Variants in USP22 observed in about 807,000 individuals in gnomAD.
USP22 encodes the protein ubiquitin specific peptidase 22, also known as ubiquitin carboxyl-terminal hydrolase 22.
Under a neutral mutation model 68.1 loss-of-function variants are expected in USP22, and 22 were observed. The observed-to-expected ratio is 0.32, with a 90% confidence interval of 0.23 to 0.46. The LOEUF (loss-of-function observed/expected upper bound fraction) is 0.46. USP22 is among the 20% of genes least tolerant of loss of function. The pLI is 1.00. For missense variants in USP22, 433 were observed against 695.8 expected (o/e 0.62, Z 4.25); for synonymous variants, 279 against 274.2 (o/e 1.02, Z -0.17).
Position 21,004,530 on chromosome 17 carries a change from C to A in USP22, c.1386-179G>T, listed in dbSNP as rs77191285. ...GGAACTAAGGGAGCCTGGTCACCCC[C>A]CTTGGCTCTAGCCCGGGTCCAGGCG... is the stretch of plus-strand genomic sequence containing the variant. On this transcript the variant is annotated intron_variant, in intron 11 of 12. Transcript: ENST00000261497. Among the ~76,000 whole-genome samples, 186 of 152,318 alleles carry A rather than the reference C, an allele frequency of 1.2e-3. 6 individuals carry two copies. In the South Asian group the frequency reaches 0.037, roughly 30 times the overall value.
At chr17:21,018,425 A>C in intron 4 of USP22, 1 of 149,328 alleles carries the variant, frequency 6.7e-6, no homozygotes, top group Non-Finnish European at 1.3e-5. Flanking sequence ...GGTTTTTAAA[A>C]ATGTTCTAGG....
rs897537562 is a variant in USP22 at position 21,012,762 on chromosome 17, G to A, written c.944+68C>T. On this transcript the variant is annotated intron_variant, in intron 7 of 12. Coordinates refer to ENST00000261497, the MANE Select transcript of USP22 (RefSeq NM_015276.2). ...ACCTCTCAGAGCACACACAGCTCTG[G>A]AGACTGGGAGGATGTCAGTACGGCC... is the stretch of plus-strand genomic sequence containing the variant. 4.3e-6 allele frequency: 6 copies of A among 1,403,774 alleles called. No individual in the cohort carries two copies. In the African/African-American group the frequency reaches 5.7e-5, roughly 13 times the overall value. The allele number at this position is 1,403,774 out of a possible 1,614,324, so 87.0% of individuals were successfully genotyped here.
chr17:21,029,109 A>C (rs556786254), intron 1 of USP22, among the ~76,000 whole-genome samples: 1 of 152,370 alleles, frequency 6.6e-6, no homozygotes, highest in African/African-American at 2.4e-5. Flanking sequence ...AGGGAGGGAG[A>C]CATGAATCAA....
At chr17:21,030,631 G>A (rs1366219644) in intron 1 of USP22, among the ~76,000 whole-genome samples, 1 of 152,170 alleles carries the variant, frequency 6.6e-6, no homozygotes, top group Non-Finnish European at 1.5e-5. Context: ...CGACCCATCT[G>A]GAACCTGCTC....
At chr17:21,037,138 A>T (rs1010457941) in intron 1 of USP22, among the ~76,000 whole-genome samples, 10 of 152,224 alleles carry the variant, frequency 6.6e-5, no homozygotes, top group African/African-American at 2.4e-4. Flanking sequence ...ACCACACAGC[A>T]CTGGATGATA....
chr17:21,022,798 C>A (rs953891641), intron 2 of USP22, among the ~76,000 whole-genome samples: 358 of 127,430 alleles, frequency 2.8e-3, no homozygotes, highest in South Asian at 4.0e-3. Flanking sequence ...GACTCCGTCT[C>A]AAAAAAAAAA....
Position 21,003,003 on chromosome 17 carries a change from T to C in USP22, c.*28A>G, listed in dbSNP as rs1416382664. 1.9e-6 allele frequency: 3 copies of C among 1,612,864 alleles called. No homozygotes were observed. The highest frequency in any genetic ancestry group is 1.7e-5 in the Admixed American group (1 of 59,994). ...TGTGAGGCTTGCCAATGCATTGCCT[T>C]TGTTTTTCTGACCAGCTGCAGATAA... On this transcript the variant is annotated 3_prime_UTR_variant, in exon 13 of 13. Transcript: ENST00000261497.
chr17:21,023,300 A>C (rs972736152), intron 2 of USP22, among the ~76,000 whole-genome samples: 1 of 152,226 alleles, frequency 6.6e-6, no homozygotes, highest in African/African-American at 2.4e-5. Context: ...ATACGTTTAT[A>C]TAACAAACCT....
chr17:21,000,153 G>A lies in USP22; in HGVS notation c.*2878C>T, dbSNP rs1300783459. 1 of 152,234 alleles carries A rather than the reference G, an allele frequency of 6.6e-6. No individual in the cohort carries two copies. The highest frequency in any genetic ancestry group is 2.4e-5 in the African/African-American group (1 of 41,466). The allele number at this position is 152,234 out of a possible 1,614,324, so 9.4% of individuals were successfully genotyped here. On this transcript the variant is annotated 3_prime_UTR_variant, in exon 13 of 13. Transcript: ENST00000261497. ...GTGAATGTGCTGGGGTCACCAAGGG[G>A]GCCCCTTAGTGGTCAGATGCACTTT...
chr17:21,004,790 ATAGTGGAGCTGCGG>A lies in USP22; in HGVS notation c.1385+124_1385+137del, dbSNP rs2143510625. ...TTCCTAGTGGAGCTGCGGGCAGCCA[ATAGTGGAGCTGCGG>A]GCAGCCAAGCGGGAAGCAGGTCAGT... On this transcript the variant is annotated intron_variant, in intron 11 of 12. Coordinates refer to ENST00000261497, the MANE Select transcript of USP22 (RefSeq NM_015276.2). 100 of 88,474 alleles carry A rather than the reference ATAGTGGAGCTGCGG, an allele frequency of 1.1e-3. 11 individuals are homozygous for A. The highest frequency in any genetic ancestry group is 6.0e-3 in the Middle Eastern group (2 of 336). The allele number at this position is 88,474 out of a possible 1,614,324, so 5.5% of individuals were successfully genotyped here.
chr17:21,043,302 C>CCCCCCCCCCCCCCCCCG (rs1567596616), upstream of USP22: 4 of 47,548 alleles, frequency 8.4e-5, no homozygotes, highest in African/African-American at 1.6e-4. Context: ...GTAGGCCACC[C>CCCCCCCCCCCCCCCCCG]CCCCCCCCCC....
chr17:21,005,186 G>T, intron 10 of USP22, 196 bp from the exon 11 acceptor site: 1 of 653,752 alleles, frequency 1.5e-6, no homozygotes, highest in Non-Finnish European at 2.6e-6. Context: ...CTGCCTCAGA[G>T]CACACCTGGG....
In USP22 at chr17:21,042,810, C is replaced by T. The variant is rs1344047933; in HGVS notation, c.26G>A (p.Gly9Asp). MVSRPEPEGEAMDAELAVA... is the reference protein window; with the variant it reads MVSRPEPEDEAMDAELAVA... ...CGCCAGCTCGGCGTCCATGGCCTCG[C>T]CCTCGGGCTCTGGCCGGGACACCAT... Residue 9 changes from glycine to aspartate, a missense_variant, in exon 1 of 13, where the codon GGC becomes GAC. Gly to Asp is a moderately conservative substitution (Grantham distance 94). Around this residue, in one of 4 missense-constraint regions of USP22, gnomAD observed 110 missense variants for 89.9 expected, o/e 1.22. Coordinates refer to ENST00000261497, the MANE Select transcript of USP22 (RefSeq NM_015276.2). The T allele has an allele frequency of 2.1e-6, 3 of 1,451,542 alleles. No individual in the cohort carries two copies. Among genetic ancestry groups the T allele is most frequent in the Non-Finnish European group, 2.7e-6 (3 of 1,099,942 alleles). The allele number at this position is 1,451,542 out of a possible 1,614,324, so 89.9% of individuals were successfully genotyped here.
chr17:21,017,355 C>CT (rs1417417510), intron 5 of USP22, among the ~76,000 whole-genome samples: 1 of 152,228 alleles, frequency 6.6e-6, no homozygotes, highest in African/African-American at 2.4e-5. Context: ...TGCTTCAGCT[C>CT]TGAGAAGCAT....
chr17:21,003,997 G>C (rs780726514), intron 12 of USP22, among the ~76,000 whole-genome samples: 9 of 151,814 alleles, frequency 5.9e-5, no homozygotes, highest in Admixed American at 2.6e-4. Flanking sequence ...AATGCCTCCA[G>C]AGAGGGCCTT....
chr17:21,010,442 C>T (rs963728501), intron 8 of USP22, among the ~76,000 whole-genome samples: 40 of 151,940 alleles, frequency 2.6e-4, no homozygotes, highest in Admixed American at 1.2e-3. Context: ...TTTGGGAGGC[C>T]GAGGTGGGTG....
chr17:21,014,259 G>A (rs954083440), intron 6 of USP22, among the ~76,000 whole-genome samples: 11 of 152,192 alleles, frequency 7.2e-5, no homozygotes, highest in African/African-American at 1.9e-4. Context: ...TCAGAAGCAC[G>A]TCAGAGGTCA....
At chr17:21,043,304 C>CCCCCCCCCCG (rs1972474612), upstream of USP22, 1 of 63,734 alleles carries the variant, frequency 1.6e-5, no homozygotes. Flanking sequence ...AGGCCACCCC[C>CCCCCCCCCCG]CCCCCCCCCC....
chr17:21,030,029 T>C lies in USP22; in HGVS notation c.172-1355A>G, dbSNP rs1972268800. Among the ~76,000 whole-genome samples the C allele has an allele frequency of 3.3e-5, 5 of 152,186 alleles. No individual in the cohort carries two copies. In the East Asian group the frequency reaches 5.8e-4, roughly 18 times the overall value. On this transcript the variant is annotated intron_variant, in intron 1 of 12. Coordinates refer to ENST00000261497, the MANE Select transcript of USP22 (RefSeq NM_015276.2). ...GTGAATTTCACCTGGATTAAAAAAA[T>C]ATATTAAGTTACATAAACAATTGTC...
Sources: gnomAD v4.1 joint callset for allele counts (sites outside exome capture counted in the v4.1 genomes callset) on GRCh38, gnomAD v4.1.1 for gene constraint, gnomAD v4.1.1 regional missense constraint, MANE v1.5 for transcripts, NCBI Gene and HGNC (gene_info 2026-07-23, HGNC 2026-07-21) for gene names.